EXOC4: variants seen among roughly 807,000 people sequenced by gnomAD.
The protein encoded by EXOC4 is exocyst complex component 4.
A neutral mutation model predicts 107.2 loss-of-function variants in EXOC4; 71 were observed. The ratio of observed to expected loss-of-function variants is 0.66; its 90% CI spans 0.55 to 0.81. The LOEUF (loss-of-function observed/expected upper bound fraction) is 0.81, where lower values mean the gene tolerates loss of function less well. EXOC4 is among the 30% of genes least tolerant of loss of function. The pLI is 0.00. For missense variants in EXOC4, 1,108 were observed against 1,189.6 expected, an observed-to-expected ratio of 0.93 and a Z score of 1.01; for synonymous variants, 456 against 441.2, an observed-to-expected ratio of 1.03 and a Z score of -0.42.
intron 7 of EXOC4, among the ~76,000 whole-genome samples, chr7:133,448,695 T>C (rs1798273951): frequency 6.6e-6 from 1 of 152,158 alleles, no homozygotes; most frequent in Non-Finnish European, 1.5e-5. Flanking sequence ...TGGCGTCTGG[T>C]ATATGTGAAT....
At chr7:133,910,141 C>T (rs971271750) in intron 12 of EXOC4, among the ~76,000 whole-genome samples, 1 of 152,114 alleles carries the variant, frequency 6.6e-6, no homozygotes, top group African/African-American at 2.4e-5. Flanking sequence ...AGGCTGGTCT[C>T]AAACTCCTGA....
At chr7:133,560,295 TA>T (rs1563108242) in intron 9 of EXOC4, among the ~76,000 whole-genome samples, 3 of 152,300 alleles carry the variant, frequency 2.0e-5, no homozygotes, top group South Asian at 2.1e-4. Context: ...TTTATTTATT[TA>T]TTTTTTTAGA....
At chr7:133,601,762 C>T (rs1250284561) in intron 9 of EXOC4, 1 of 152,234 alleles carries the variant, frequency 6.6e-6, no homozygotes, top group Non-Finnish European at 1.5e-5. Context: ...CCTGCTGTAT[C>T]TTAAGGTGTG....
intron 1 of EXOC4, among the ~76,000 whole-genome samples, chr7:133,263,505 C>T (rs183781000): frequency 6.0e-5 from 9 of 151,248 alleles, no homozygotes; most frequent in Admixed American, 2.0e-4. Flanking sequence ...CCTCAGCCTC[C>T]GGAGTAGCGA....
chr7:133,323,734 TAGGG>T (rs1377333947), intron 5 of EXOC4, among the ~76,000 whole-genome samples: 1 of 152,220 alleles, frequency 6.6e-6, no homozygotes, highest in Non-Finnish European at 1.5e-5. Flanking sequence ...TAAAATGAGT[TAGGG>T]AGGATTCCCT....
chr7:133,788,907 C>T (rs1174031108), intron 10 of EXOC4, among the ~76,000 whole-genome samples: 2 of 152,094 alleles, frequency 1.3e-5, no homozygotes, highest in South Asian at 2.1e-4. Flanking sequence ...ATCTTCAGCT[C>T]GTTCACCATA....
the EXOC4 span, among the ~76,000 whole-genome samples, chr7:134,081,701 G>T: frequency 6.6e-6 from 1 of 152,176 alleles, no homozygotes; most frequent in African/African-American, 2.4e-5. Context: ...AGCAAAGGTA[G>T]GTTCCCAGGT....
At chr7:133,546,283 G>A (rs1190804299) in intron 9 of EXOC4, among the ~76,000 whole-genome samples, 1 of 141,346 alleles carries the variant, frequency 7.1e-6, no homozygotes, top group African/African-American at 2.7e-5. Context: ...CCGAGATGGA[G>A]TCTTGCTCTG....
intron 10 of EXOC4, among the ~76,000 whole-genome samples, chr7:133,747,005 G>A (rs1795690633): frequency 6.6e-6 from 1 of 152,114 alleles, no homozygotes; most frequent in Non-Finnish European, 1.5e-5. Context: ...TATTGACTGG[G>A]TAATACTAGT....
intron 10 of EXOC4, among the ~76,000 whole-genome samples, chr7:133,673,688 G>T (rs1453652034): frequency 6.6e-6 from 1 of 152,162 alleles, no homozygotes; most frequent in Non-Finnish European, 1.5e-5. Context: ...TAGCATAGAG[G>T]TAAATCTGAA....
chr7:133,924,355 A>G (rs904040361), intron 13 of EXOC4, among the ~76,000 whole-genome samples: 2 of 152,096 alleles, frequency 1.3e-5, no homozygotes, highest in Admixed American at 1.3e-4. Context: ...ATTGTATTTT[A>G]TGCTTGACAA....
At chr7:133,331,366 T>C (rs967983803) in intron 5 of EXOC4, among the ~76,000 whole-genome samples, 1 of 151,820 alleles carries the variant, frequency 6.6e-6, no homozygotes, top group Non-Finnish European at 1.5e-5. Flanking sequence ...ATAGGCAAAA[T>C]TATGAACAGT....
intron 11 of EXOC4, among the ~76,000 whole-genome samples, chr7:133,852,884 C>T (rs1451851836): frequency 6.6e-6 from 1 of 152,166 alleles, no homozygotes; most frequent in Non-Finnish European, 1.5e-5. Flanking sequence ...ACATTTATTG[C>T]TTACTTTCAC....
At chr7:133,531,429 A>T (rs1800179333) in intron 9 of EXOC4, among the ~76,000 whole-genome samples, 1 of 152,176 alleles carries the variant, frequency 6.6e-6, no homozygotes, top group African/African-American at 2.4e-5. Context: ...TTGGCTTCTG[A>T]CTACAGATCA....
chr7:133,709,507 G>A (rs1314190111), intron 10 of EXOC4, among the ~76,000 whole-genome samples: 1 of 152,050 alleles, frequency 6.6e-6, no homozygotes, highest in South Asian at 2.1e-4. Flanking sequence ...AAGAGAATGG[G>A]GCATAATCAT....
intron 6 of EXOC4, among the ~76,000 whole-genome samples, chr7:133,362,699 T>C (rs1407275046): frequency 6.6e-6 from 1 of 152,180 alleles, no homozygotes; most frequent in Non-Finnish European, 1.5e-5. Context: ...GCCTCAAGGA[T>C]AGTTTTATAG....
chr7:133,421,197 T>C (rs935341204), intron 7 of EXOC4, among the ~76,000 whole-genome samples: 2 of 152,170 alleles, frequency 1.3e-5, no homozygotes, highest in African/African-American at 4.8e-5. Flanking sequence ...TAAAGCATTA[T>C]ATAATGTTGT....
intron 7 of EXOC4, among the ~76,000 whole-genome samples, chr7:133,388,388 G>A (rs538612001): frequency 1.2e-3 from 180 of 152,140 alleles, no homozygotes; most frequent in African/African-American, 4.0e-3. Context: ...GGTGGCTCGC[G>A]TCTGTAATCC....
At chr7:133,991,777 T>C (rs1563083445) in intron 14 of EXOC4, among the ~76,000 whole-genome samples, 1 of 152,224 alleles carries the variant, frequency 6.6e-6, no homozygotes, top group East Asian at 1.9e-4. Context: ...TGTGAGTTTA[T>C]TTCTGGGTTC....
Sources: gnomAD v4.1 joint callset for allele counts (sites outside exome capture counted in the v4.1 genomes callset) on GRCh38, gnomAD v4.1.1 for gene constraint, MANE v1.5 for transcripts, NCBI Gene and HGNC (gene_info 2026-07-23, HGNC 2026-07-21) for gene names.